Variants in ADK observed in about 807,000 individuals in gnomAD.
The protein encoded by ADK is N6,N6-dimethyladenosine kinase.
Under a neutral mutation model 44.7 loss-of-function variants are expected in ADK, and 24 were observed. The ratio of observed to expected loss-of-function variants is 0.54; its 90% CI spans 0.39 to 0.76. ADK has a LOEUF of 0.76. ADK is among the 30% of genes least tolerant of loss of function. ADK has a pLI of 0.00. For synonymous variants in ADK, 128 were observed against 142.6 expected, an observed-to-expected ratio of 0.90 and a Z score of 0.73; for missense variants, 321 against 425.1, an observed-to-expected ratio of 0.76 and a Z score of 2.15.
intron 6 of ADK, among the ~76,000 whole-genome samples, chr10:74,420,104 A>G (rs1242005725): frequency 6.6e-6 from 1 of 152,174 alleles, no homozygotes; most frequent in Non-Finnish European, 1.5e-5. Flanking sequence ...TAGGTAGATT[A>G]TATTGCTTAG....
chr10:74,460,241 C>T (rs889560324), intron 6 of ADK, among the ~76,000 whole-genome samples: 1 of 152,100 alleles, frequency 6.6e-6, no homozygotes, highest in Admixed American at 6.6e-5. Flanking sequence ...ACAAAAACTT[C>T]TTGTTGTGAT....
intron 6 of ADK, among the ~76,000 whole-genome samples, chr10:74,507,611 CA>C (rs201257550): frequency 2.7e-5 from 4 of 147,938 alleles, no homozygotes; most frequent in East Asian, 2.0e-4. Context: ...AATCCCCTCT[CA>C]AAAAAAAACA....
chr10:74,438,540 T>A (rs1845272163), intron 6 of ADK, among the ~76,000 whole-genome samples: 1 of 152,134 alleles, frequency 6.6e-6, no homozygotes, highest in African/African-American at 2.4e-5. Context: ...TTGCCTCTCT[T>A]AATAACCATA....
intron 3 of ADK, among the ~76,000 whole-genome samples, chr10:74,239,816 A>G (rs777079451): frequency 6.6e-6 from 1 of 151,778 alleles, no homozygotes; most frequent in Non-Finnish European, 1.5e-5. Flanking sequence ...CTCAATATGT[A>G]AGGATGTTTA....
In ADK at chr10:74,306,173, G is replaced by T. The variant is rs546860223; in HGVS notation, c.195-8494G>T. 4.6e-5 allele frequency among the ~76,000 whole-genome samples: 7 copies of T among 151,950 alleles called. No individual in the cohort carries two copies. The East Asian group carries it at 1.4e-3, about 29-fold the overall frequency. On this transcript the variant is annotated intron_variant, in intron 3 of 10. Transcript: ENST00000539909. Reference sequence around the variant, plus strand: ...AATCCTTTTTCTGTCCTGCAGATTGGAAAATTTTTATTGATTTATTTTTAA... The same window carrying T: ...AATCCTTTTTCTGTCCTGCAGATTGTAAAATTTTTATTGATTTATTTTTAA...
intron 1 of ADK, among the ~76,000 whole-genome samples, chr10:74,171,352 TGA>T (rs1295679102): frequency 6.6e-6 from 1 of 152,242 alleles, no homozygotes. Flanking sequence ...TAATTTTATA[TGA>T]GAGTGCTTGT....
chr10:74,276,022 A>G (rs776572144), intron 3 of ADK, among the ~76,000 whole-genome samples: 6 of 152,170 alleles, frequency 3.9e-5, no homozygotes, highest in African/African-American at 1.4e-4. Flanking sequence ...TTGTCTTTGC[A>G]TCGTATAGTT....
chr10:74,581,697 C>A (rs915451486), intron 7 of ADK, among the ~76,000 whole-genome samples: 1 of 151,800 alleles, frequency 6.6e-6, no homozygotes, highest in Non-Finnish European at 1.5e-5. Context: ...ACAACAACAA[C>A]AAAAATGCAT....
At chr10:74,341,058 AGAACACTT>A (rs1841566731) in intron 4 of ADK, among the ~76,000 whole-genome samples, 1 of 152,200 alleles carries the variant, frequency 6.6e-6, no homozygotes, top group Non-Finnish European at 1.5e-5. Context: ...GCTTGATTGA[AGAACACTT>A]GTTCTCATTT....
intron 6 of ADK, among the ~76,000 whole-genome samples, chr10:74,416,200 A>T (rs1279337110): frequency 2.0e-5 from 3 of 151,988 alleles, no homozygotes; most frequent in Non-Finnish European, 4.4e-5. Context: ...AAAAAATGAG[A>T]GGACAACGTT....
chr10:74,306,792 C>T (rs1840265589), intron 3 of ADK, among the ~76,000 whole-genome samples: 1 of 152,054 alleles, frequency 6.6e-6, no homozygotes, highest in Non-Finnish European at 1.5e-5. Context: ...TAATTGATAC[C>T]AGTGGTCTCC....
chr10:74,531,104 T>C (rs1564776438), intron 7 of ADK, among the ~76,000 whole-genome samples: 1 of 152,112 alleles, frequency 6.6e-6, no homozygotes, highest in East Asian at 1.9e-4. Context: ...TTCAGCTGAG[T>C]ATGAATCAGT....
intron 6 of ADK, among the ~76,000 whole-genome samples, chr10:74,429,298 A>C (rs1396556166): frequency 1.3e-5 from 2 of 152,200 alleles, no homozygotes; most frequent in Non-Finnish European, 2.9e-5. Flanking sequence ...TATTGCATTG[A>C]CTTTATGTCT....
chr10:74,176,375 C>A (rs1842337151), intron 1 of ADK: 1 of 850,936 alleles, frequency 1.2e-6, no homozygotes, highest in East Asian at 1.2e-4. Context: ...GCTGTTAAAT[C>A]CCACTCCCGA....
At chr10:74,459,796 T>G (rs921894962) in intron 6 of ADK, among the ~76,000 whole-genome samples, 1 of 149,128 alleles carries the variant, frequency 6.7e-6, no homozygotes, top group Non-Finnish European at 1.5e-5. Context: ...TAGTCAAAAG[T>G]CAAACATTTT....
intron 6 of ADK, among the ~76,000 whole-genome samples, chr10:74,447,416 G>C (rs1845624928): frequency 1.3e-5 from 2 of 152,076 alleles, no homozygotes; most frequent in South Asian, 2.1e-4. Flanking sequence ...CTGGAGAGGA[G>C]GACGCCATTA....
chr10:74,660,265 G>T (rs892798685), intron 9 of ADK, among the ~76,000 whole-genome samples: 1 of 151,986 alleles, frequency 6.6e-6, no homozygotes, highest in Non-Finnish European at 1.5e-5. Flanking sequence ...AATAGCTGGG[G>T]CTACAGGAAT....
intron 2 of ADK, among the ~76,000 whole-genome samples, chr10:74,215,555 C>T (rs1843979660): frequency 6.6e-6 from 1 of 152,106 alleles, no homozygotes. Flanking sequence ...AAACTCCTGA[C>T]CTCAAGTGAT....
At chr10:74,303,601 T>TGTTTTTTTTTG (rs1564643391) in intron 3 of ADK, among the ~76,000 whole-genome samples, 2 of 134,328 alleles carry the variant, frequency 1.5e-5, no homozygotes, top group African/African-American at 5.8e-5. Flanking sequence ...TTTTTTTTTT[T>TGTTTTTTTTTG]TTTTTTTTTT....
Sources: gnomAD v4.1 joint callset for allele counts (sites outside exome capture counted in the v4.1 genomes callset) on GRCh38, gnomAD v4.1.1 for gene constraint, MANE v1.5 for transcripts, NCBI Gene and HGNC (gene_info 2026-07-23, HGNC 2026-07-21) for gene names.